The following CR2 variants were observed in gnomAD, a reference collection of about 807,000 sequenced individuals.
CR2 encodes complement C3d receptor 2.
Under a neutral mutation model 123.0 loss-of-function variants are expected in CR2, and 96 were observed. That is an observed-to-expected ratio of 0.78 (90% confidence interval 0.66 to 0.93). The LOEUF (loss-of-function observed/expected upper bound fraction) is 0.93. Among genes scored for constraint, CR2 ranks in the 40% least tolerant of loss-of-function variants. The pLI is 0.00. For missense variants in CR2, 1,258 were observed against 1,361.0 expected (o/e 0.92, Z 1.19); for synonymous variants, 484 against 469.5 (o/e 1.03, Z -0.40).
chr1:207,474,983 A>G lies in CR2; in HGVS notation c.2483A>G (p.His828Arg), dbSNP rs934864394. The change falls in exon 14 of 20, where the codon CAT becomes CGT. Residue 828 changes from histidine (H) to arginine (R), a missense_variant. By Grantham distance (29) the His-to-Arg change is conservative. Transcript: ENST00000367057. ...CAGTGCAGAAGTGATTCTAAAGGAC[A>G]TGGATCTTGGAGCGGGCCTTCCCCA... ...KLQCRSDSKG[H>R]GSWSGPSPQC... is the part of the protein sequence containing the mutation. 2.5e-6 allele frequency: 4 copies of G among 1,614,040 alleles called. No individual in the cohort carries two copies. The highest frequency in any genetic ancestry group is 2.2e-5 in the South Asian group (2 of 91,092).
chr1:207,468,922 A>G (rs1195548678), intron 4 of CR2, 23 bp downstream of exon 4: 1 of 1,608,542 alleles, frequency 6.2e-7, no homozygotes, highest in African/African-American at 1.3e-5. Context: ...ATTATTTATG[A>G]GATTTAATTC....
Position 207,468,873 on chromosome 1 carries a change from A to G in CR2, c.708A>G (p.Val236=), listed in dbSNP as rs1182220275. The part of the protein sequence containing the change: ...VKEPPILRVG[V]TANFFCDEGY... ...AGCCTCCAATTCTCCGGGTTGGTGT[A>G]ACTGCAAACTTTTTCTGTGATGAAG... The change falls in exon 4 of 20, where the codon GTA becomes GTG. Residue 236 remains valine (V), a synonymous_variant. Coordinates refer to ENST00000367057, the MANE Select transcript of CR2 (RefSeq NM_001006658.3). 1 of 1,614,000 alleles carries G rather than the reference A, an allele frequency of 6.2e-7. No homozygotes were observed. The highest frequency in any genetic ancestry group is 1.1e-5 in the South Asian group (1 of 91,084).
Position 207,469,147 on chromosome 1 carries a change from C to G in CR2, c.735-3C>G. ...GTTCTGAATGACAACCTTCTGTCTC[C>G]AGGTATCGACTGCAAGGCCCACCTT... is the stretch of plus-strand genomic sequence containing the variant. On this transcript the variant is annotated splice_polypyrimidine_tract_variant and splice_region_variant and intron_variant, in intron 4 of 19. Transcript: ENST00000367057. 2.5e-6 allele frequency: 4 copies of G among 1,613,522 alleles called. No individual in the cohort carries two copies. The highest frequency in any genetic ancestry group is 3.4e-6 in the Non-Finnish European group (4 of 1,179,486).
Position 207,469,899 on chromosome 1 carries a change from G to T in CR2, c.1022G>T (p.Arg341Leu), listed in dbSNP as rs142742821. ...KTGTWSGPAPRCELSTSAVQC... is the reference protein window; with the variant it reads ...KTGTWSGPAPLCELSTSAVQC... The stretch of plus-strand genomic sequence containing the variant: ...GGGACCTGGAGTGGCCCTGCCCCAC[G>T]CTGTGAACTTTCTACTTCTGCGGTT... Residue 341 changes from arginine to leucine, a missense_variant, in exon 6 of 20, where the codon CGC becomes CTC. Physicochemically the swap from Arg to Leu is moderately radical, Grantham distance 102 (BLOSUM62 -2). Transcript: ENST00000367057. 1 of 1,613,950 alleles carries T rather than the reference G, an allele frequency of 6.2e-7. No homozygotes were observed. Among genetic ancestry groups the T allele is most frequent in the East Asian group, 2.2e-5 (1 of 44,872 alleles).
rs1260393498 is a variant in CR2 at position 207,469,723 on chromosome 1, T to C, written c.846T>C (p.Ile282=). The part of the protein sequence containing the change: ...EEIFCPSPPP[I]LNGRHIGNSL... ...TTTTTTGCCCATCACCTCCCCCTAT[T>C]CTCAATGGAAGACATATAGGCAACT... The change falls in exon 6 of 20, where the codon ATT becomes ATC. Residue 282 remains isoleucine (I), a synonymous_variant. Coordinates refer to ENST00000367057, the MANE Select transcript of CR2 (RefSeq NM_001006658.3). The C allele has an allele frequency of 5.0e-6, 8 of 1,613,708 alleles. No individual in the cohort carries two copies. The highest frequency in any genetic ancestry group is 6.8e-6 in the Non-Finnish European group (8 of 1,179,866).
intron 18 of CR2, among the ~76,000 whole-genome samples, chr1:207,480,771 G>A (rs1235407752): frequency 2.0e-5 from 3 of 152,044 alleles, no homozygotes; most frequent in African/African-American, 7.2e-5. Context: ...TGATTTGCCT[G>A]TTCCATTACA....
At position 207,470,990 on chromosome 1, in the gene CR2, T is replaced by G; in HGVS notation, c.1403-7T>G. On this transcript the variant is annotated splice_polypyrimidine_tract_variant and splice_region_variant and intron_variant, in intron 7 of 19. Transcript: ENST00000367057. The stretch of plus-strand genomic sequence containing the variant: ...AATTAAATTCTCATCCTAGTCTCTT[T>G]TCTTAGTGGCAGCGTGTGAAGCTAC... 6.2e-7 allele frequency: 1 copy of G among 1,613,826 alleles called. No homozygotes were observed. Among genetic ancestry groups the G allele is most frequent in the South Asian group, 1.1e-5 (1 of 91,070 alleles).
In CR2 at chr1:207,467,147, C is replaced by T. The variant is rs1257562; in HGVS notation, c.445+235C>T. On this transcript the variant is annotated intron_variant, in intron 2 of 19. Coordinates refer to ENST00000367057, the MANE Select transcript of CR2 (RefSeq NM_001006658.3). ...GTACATGGAAAAATGTAATTAAACA[C>T]ACCTAATAATTGAGTAGGGTAAGTT... is the stretch of plus-strand genomic sequence containing the variant. Among the ~76,000 whole-genome samples the T allele has an allele frequency of 0.97, 147,484 of 152,308 alleles. 71,586 individuals are homozygous for T. The highest frequency in any genetic ancestry group is 1 in the East Asian group (5,186 of 5,186).
rs377152274 is a variant in CR2, at chr1:207,469,878, C to T, written c.1001C>T (p.Thr334Ile). Residue 334 changes from threonine to isoleucine, a missense_variant, in exon 6 of 20, where the codon ACC (threonine) becomes ATC (isoleucine). Transcript: ENST00000367057. ...ACAGTTGATAGTCAGAAGACTGGGA[C>T]CTGGAGTGGCCCTGCCCCACGCTGT... ...RCTVDSQKTG[T>I]WSGPAPRCEL... 82 of 1,613,884 alleles carry T rather than the reference C, an allele frequency of 5.1e-5. No individual in the cohort carries two copies. The highest frequency in any genetic ancestry group is 6.5e-5 in the Non-Finnish European group (77 of 1,179,958).
chr1:207,468,354 AT>A, intron 2 of CR2, 172 bp from the exon 3 acceptor site: 2 of 653,832 alleles, frequency 3.1e-6, no homozygotes, highest in Non-Finnish European at 5.2e-6. Context: ...TTTTTTTGCA[AT>A]TTTTTTAGCT....
At chr1:207,475,713 G>A (rs1572959827) in intron 14 of CR2, among the ~76,000 whole-genome samples, 1 of 152,294 alleles carries the variant, frequency 6.6e-6, no homozygotes, top group East Asian at 1.9e-4. Flanking sequence ...TTTGGCAACG[G>A]TTGTCTTTGA....
At chr1:207,481,549 C>T (rs1658602971) in intron 18 of CR2, among the ~76,000 whole-genome samples, 1 of 152,064 alleles carries the variant, frequency 6.6e-6, no homozygotes. Context: ...CACGACTACA[C>T]CTCCCATACC....
In CR2 at chr1:207,476,278, C is replaced by A. The variant is rs1217318433; in HGVS notation, c.2761C>A (p.His921Asn). The change falls in exon 15 of 20, where the codon CAT becomes AAT. Residue 921 changes from histidine (H) to asparagine (N), a missense_variant. Transcript: ENST00000367057. Reference protein sequence around the residue: ...PPPPKTPNGNHTGGNIARFSP... With the variant: ...PPPPKTPNGNNTGGNIARFSP... The stretch of plus-strand genomic sequence containing the variant: ...TCCGCCTAAGACCCCTAACGGGAAC[C>A]ATACTGGTGGAAACATAGCTCGATT... The A allele has an allele frequency of 1.9e-6, 3 of 1,613,878 alleles. No individual in the cohort carries two copies. Among genetic ancestry groups the A allele is most frequent in the Admixed American group, 3.3e-5 (2 of 60,006 alleles).
In CR2 at chr1:207,454,762, T is replaced by G. The variant is rs1026137249; in HGVS notation, c.58+286T>G. ...CGGCGTGCGGGTGCTCGCGGTCTCC[T>G]GCCGGGCTCCCCGCCCCCAGGATTC... On this transcript the variant is annotated intron_variant, in intron 1 of 19. Coordinates refer to ENST00000367057, the MANE Select transcript of CR2 (RefSeq NM_001006658.3). The surrounding 1 kb of genome is among the most constrained non-coding windows in gnomAD (Gnocchi z 4.3). 2.7e-6 allele frequency: 1 copy of G among 368,110 alleles called. No individual in the cohort carries two copies. Among genetic ancestry groups the G allele is most frequent in the Non-Finnish European group, 4.9e-6 (1 of 203,738 alleles). The allele number at this position is 368,110 out of a possible 1,614,324, so 22.8% of individuals were successfully genotyped here.
chr1:207,479,677 T>C (rs1389142053), intron 17 of CR2, among the ~76,000 whole-genome samples: 2 of 152,210 alleles, frequency 1.3e-5, no homozygotes, highest in Non-Finnish European at 2.9e-5. Context: ...ATTTCTCTCT[T>C]GTCACCTCAG....
chr1:207,468,456 A>AC, intron 2 of CR2, 71 bp from the exon 3 acceptor site: 36 of 1,511,722 alleles, frequency 2.4e-5, no homozygotes, highest in Non-Finnish European at 3.2e-5. Flanking sequence ...AAAAGATTGG[A>AC]CCCCCTTGAT....
At chr1:207,478,152 C>G in intron 16 of CR2, 82 bp downstream of exon 16, 1 of 1,426,112 alleles carries the variant, frequency 7.0e-7, no homozygotes, top group Non-Finnish European at 9.7e-7. Flanking sequence ...GTGGAGAGTC[C>G]TGGGTTTTAA....
intron 18 of CR2, among the ~76,000 whole-genome samples, chr1:207,481,893 A>G (rs544281057): frequency 1.3e-5 from 2 of 152,156 alleles, no homozygotes; most frequent in East Asian, 3.9e-4. Context: ...CCAATCATCT[A>G]AGTAGAAAAC....
chr1:207,454,498 G>C lies in CR2; in HGVS notation c.58+22G>C, dbSNP rs540953357. 1.3e-6 allele frequency: 2 copies of C among 1,518,062 alleles called. No individual in the cohort carries two copies. Among genetic ancestry groups the C allele is most frequent in the African/African-American group, 1.4e-5 (1 of 71,842 alleles). The allele number at this position is 1,518,062 out of a possible 1,614,324, so 94.0% of individuals were successfully genotyped here. The stretch of plus-strand genomic sequence containing the variant: ...CTCGGTGAGCTGGGAGGGGGAGCAC[G>C]GAGGTGGGGACGCGTCCCGGGCAGG... On this transcript the variant is annotated intron_variant, in intron 1 of 19. Transcript: ENST00000367057. This position sits in a 1 kb window ranked among gnomAD's most constrained non-coding sequence, Gnocchi z 4.3.
Sources: allele counts gnomAD v4.1 joint callset (sites outside exome capture counted in the v4.1 genomes callset), GRCh38; gene constraint gnomAD v4.1.1; non-coding constraint Gnocchi (gnomAD v3.1); transcripts MANE v1.5; gene names NCBI Gene and HGNC (gene_info 2026-07-23, HGNC 2026-07-21).